CX3CR1: variants seen among roughly 807,000 people sequenced by gnomAD.
CX3CR1 encodes CX3C chemokine receptor 1.
For missense variants in CX3CR1, 363 were observed against 432.4 expected (o/e 0.84, Z 1.42); for synonymous variants, 168 against 178.5 (o/e 0.94, Z 0.47).
chr3:39,280,028 G>T lies in CX3CR1; in HGVS notation c.-84C>A, dbSNP rs765298566. On this transcript the variant is annotated 5_prime_UTR_variant, in exon 1 of 2. Transcript: ENST00000399220. ...GTCCTGCTCAGACTTTACCAGAGACGAGTATTTCCCTTTCCTTCCCTCTAA... is the reference window on the plus strand; with the variant it reads ...GTCCTGCTCAGACTTTACCAGAGACTAGTATTTCCCTTTCCTTCCCTCTAA... 8.9e-5 allele frequency: 88 copies of T among 985,336 alleles called. No individual in the cohort carries two copies. The highest frequency in any genetic ancestry group is 9.9e-5 in the Non-Finnish European group (82 of 829,944). 61.0% of individuals were successfully genotyped at this position (985,336 alleles called of 1,614,324 possible).
chr3:39,277,096 A>C (rs2040848270), intron 1 of CX3CR1, among the ~76,000 whole-genome samples: 1 of 152,188 alleles, frequency 6.6e-6, no homozygotes. Context: ...CTCCTTAAGC[A>C]CACTTTAAGG....
chr3:39,288,207 T>G, the CX3CR1 span, among the ~76,000 whole-genome samples: 2 of 152,200 alleles, frequency 1.3e-5, no homozygotes, highest in African/African-American at 4.8e-5. Flanking sequence ...TACTGCTTAA[T>G]AGTTATTGGT....
chr3:39,268,650 G>A (rs914130070), intron 1 of CX3CR1, among the ~76,000 whole-genome samples: 1 of 152,156 alleles, frequency 6.6e-6, no homozygotes, highest in Non-Finnish European at 1.5e-5. Flanking sequence ...ATCTCTTTAT[G>A]TGCCTGTGGT....
intron 1 of CX3CR1, chr3:39,266,788 ATTT>A: frequency 3.4e-5 from 17 of 497,128 alleles, no homozygotes; most frequent in Admixed American, 5.1e-5. Flanking sequence ...GGCTCTAGGC[ATTT>A]TTTTTTTTTT....
intron 1 of CX3CR1, among the ~76,000 whole-genome samples, chr3:39,270,596 A>G (rs538412430): frequency 5.9e-4 from 90 of 152,364 alleles, no homozygotes; most frequent in African/African-American, 2.1e-3. Flanking sequence ...TGTACATAGT[A>G]TGCTGTCATT....
chr3:39,272,109 T>C (rs2040785236), intron 1 of CX3CR1, among the ~76,000 whole-genome samples: 2 of 152,210 alleles, frequency 1.3e-5, no homozygotes, highest in African/African-American at 4.8e-5. Flanking sequence ...GGGTTTCATA[T>C]CCACAAGGGT....
At chr3:39,283,797 ATATATATATAT>A (rs2040925778), upstream of CX3CR1, among the ~76,000 whole-genome samples, 7 of 23,730 alleles carry the variant, frequency 2.9e-4, no homozygotes, top group Non-Finnish European at 4.5e-4. Flanking sequence ...AAAAAAAATT[ATATATATATAT>A]ATATATATAT....
chr3:39,267,345 G>A (rs541431931), intron 1 of CX3CR1, among the ~76,000 whole-genome samples: 2 of 152,268 alleles, frequency 1.3e-5, no homozygotes, highest in African/African-American at 2.4e-5. Flanking sequence ...CATGAAGCTA[G>A]GCCTGGAGAG....
At chr3:39,286,657 C>CAAAAAAAAA (rs1191872396), upstream of CX3CR1, 1 of 81,634 alleles carries the variant, frequency 1.2e-5, no homozygotes, top group Non-Finnish European at 2.4e-5. Context: ...GACTCCGTCT[C>CAAAAAAAAA]AAAAAAAAAA....
chr3:39,266,773 C>T, intron 1 of CX3CR1: 1 of 684,312 alleles, frequency 1.5e-6, no homozygotes, highest in South Asian at 1.4e-5. Flanking sequence ...GCTCTGTGAG[C>T]ATTTGGCTCT....
At chr3:39,292,463 T>C in the CX3CR1 span, among the ~76,000 whole-genome samples, 2 of 152,280 alleles carry the variant, frequency 1.3e-5, no homozygotes, top group East Asian at 3.9e-4. Context: ...ATACTCCTCA[T>C]CTCTCATAAG....
chr3:39,289,079 G>A, the CX3CR1 span, among the ~76,000 whole-genome samples: 30 of 152,118 alleles, frequency 2.0e-4, no homozygotes, highest in African/African-American at 3.6e-4. Flanking sequence ...ACTTGAACCC[G>A]GGAGGTGGAG....
chr3:39,271,252 T>A (rs1311911450), intron 1 of CX3CR1, among the ~76,000 whole-genome samples: 2 of 152,182 alleles, frequency 1.3e-5, no homozygotes, highest in African/African-American at 4.8e-5. Context: ...CATCTAGTAG[T>A]GATGACAGCA....
chr3:39,271,185 T>C (rs2040771518), intron 1 of CX3CR1, among the ~76,000 whole-genome samples: 1 of 152,202 alleles, frequency 6.6e-6, no homozygotes, highest in Non-Finnish European at 1.5e-5. Context: ...GCGAATGCCA[T>C]ATGAATATTT....
chr3:39,280,339 C>A (rs1431095573), upstream of CX3CR1: 1 of 985,502 alleles, frequency 1.0e-6, no homozygotes, highest in Non-Finnish European at 1.2e-6. Context: ...CTTCAGGAAG[C>A]TGGGAGAGCT....
rs2040681625 is a variant in CX3CR1, at chr3:39,265,451, G to C, written c.1059C>G (p.Leu353=). 1 of 1,607,958 alleles carries C rather than the reference G, an allele frequency of 6.2e-7. No individual in the cohort carries two copies. The highest frequency in any genetic ancestry group is 2.2e-5 in the East Asian group (1 of 44,776). The change falls in exon 2 of 2, where the codon CTC becomes CTG. Residue 353 remains leucine (L), a synonymous_variant. Transcript: ENST00000399220. ...TYHTSDGDAL[L]LL Reference sequence around the variant, plus strand: ...GGCTTTGGGATTCCCTTCAGAGAAGGAGCAATGCATCTCCATCACTCGTGT... The same window carrying C: ...GGCTTTGGGATTCCCTTCAGAGAAGCAGCAATGCATCTCCATCACTCGTGT...
intron 1 of CX3CR1, among the ~76,000 whole-genome samples, chr3:39,276,448 T>C (rs1262858495): frequency 6.6e-6 from 1 of 152,224 alleles, no homozygotes; most frequent in Non-Finnish European, 1.5e-5. Flanking sequence ...ACAAATTTTG[T>C]CTAGTGGAGA....
At chr3:39,279,371 A>G (rs960653003) in intron 1 of CX3CR1, among the ~76,000 whole-genome samples, 2 of 152,132 alleles carry the variant, frequency 1.3e-5, no homozygotes, top group Non-Finnish European at 2.9e-5. Context: ...TTATATTTAT[A>G]TTAAAATACA....
At chr3:39,268,989 T>C (rs752725849) in intron 1 of CX3CR1, among the ~76,000 whole-genome samples, 1 of 152,160 alleles carries the variant, frequency 6.6e-6, no homozygotes, top group Non-Finnish European at 1.5e-5. Context: ...TCCTGGGAAT[T>C]TGGTCTTTAA....
Sources: allele counts gnomAD v4.1 joint callset (sites outside exome capture counted in the v4.1 genomes callset), GRCh38; gene constraint gnomAD v4.1.1; transcripts MANE v1.5; gene names NCBI Gene and HGNC (gene_info 2026-07-23, HGNC 2026-07-21).